The following MECOM variants were observed in gnomAD, a reference collection of about 807,000 sequenced individuals.
The protein encoded by MECOM is histone-lysine N-methyltransferase MECOM.
MECOM carries 13 observed loss-of-function variants against 116.3 expected under a neutral mutation model. The ratio of observed to expected loss-of-function variants is 0.11; its 90% CI spans 0.07 to 0.18. The LOEUF (loss-of-function observed/expected upper bound fraction) is 0.18. Ranked by LOEUF, MECOM falls within the 10% of genes least tolerant of loss-of-function variation. The pLI, the probability that MECOM is intolerant of heterozygous loss-of-function variation, is 1.00. For synonymous variants in MECOM, 528 were observed against 535.2 expected (o/e 0.99, Z 0.19); for missense variants, 1,299 against 1,509.0 (o/e 0.86, Z 2.31).
At chr3:169,146,170 A>G in intron 2 of MECOM, 1 of 1,058,256 alleles carries the variant, frequency 9.4e-7, no homozygotes, top group South Asian at 3.1e-5. Flanking sequence ...GGTAGACTTT[A>G]GAGAAAGGCC....
At chr3:169,381,885 A>G (rs1023317182) in intron 1 of MECOM, among the ~76,000 whole-genome samples, 8 of 152,184 alleles carry the variant, frequency 5.3e-5, no homozygotes, top group South Asian at 2.1e-4. Context: ...AACAATTCCA[A>G]ATTGGGAGCT....
chr3:169,268,027 C>T (rs184532668), intron 2 of MECOM, among the ~76,000 whole-genome samples: 3 of 152,110 alleles, frequency 2.0e-5, no homozygotes, highest in Non-Finnish European at 4.4e-5. Flanking sequence ...TTAGTTATTA[C>T]GTTATTCACA....
At chr3:169,599,511 C>CAA (rs535539075) in intron 1 of MECOM, among the ~76,000 whole-genome samples, 8 of 94,530 alleles carry the variant, frequency 8.5e-5, no homozygotes, top group South Asian at 3.9e-4. Flanking sequence ...GACTCTGTCT[C>CAA]AAAAAAAAAA....
At position 169,472,582 on chromosome 3, in the gene MECOM, G is replaced by C. The variant is rs1252164285; in HGVS notation, c.38-91058C>G. On this transcript the variant is annotated intron_variant, in intron 1 of 16. Transcript: ENST00000651503. ...AGAGAGGAGAGGAGAGGAGAGGAGA[G>C]GAAAGGAAAGGAAAGGAAAGGAAAG... 1.0e-4 allele frequency among the ~76,000 whole-genome samples: 5 copies of C among 48,052 alleles called. 2 individuals carry two copies. Among genetic ancestry groups the C allele is most frequent in the Non-Finnish European group, 1.8e-4 (5 of 28,338 alleles). 31.5% of individuals were successfully genotyped at this position (48,052 alleles called of 152,430 possible).
chr3:169,116,394 C>G lies in MECOM; in HGVS notation c.1478G>C (p.Gly493Ala), dbSNP rs1365466358. The G allele has an allele frequency of 1.2e-6, 2 of 1,613,944 alleles. No individual in the cohort carries two copies. The highest frequency in any genetic ancestry group is 1.7e-6 in the Non-Finnish European group (2 of 1,180,040). ...TAPGFSFSFP[G>A]LFPSGLYHRP... Reference sequence around the variant, plus strand: ...GTGGTACAAGCCGGAAGGAAACAGACCAGGGAAGCTAAAAGAAAATCCAGG... The same window carrying G: ...GTGGTACAAGCCGGAAGGAAACAGAGCAGGGAAGCTAAAAGAAAATCCAGG... The change falls in exon 8 of 17, where the codon GGT becomes GCT. Residue 493 changes from glycine (G) to alanine (A), a missense_variant. Coordinates refer to ENST00000651503, the MANE Select transcript of MECOM (RefSeq NM_004991.4).
chr3:169,452,958 C>A lies in MECOM; in HGVS notation c.38-71434G>T, dbSNP rs74324540. On this transcript the variant is annotated intron_variant, in intron 1 of 16. Coordinates refer to ENST00000651503, the MANE Select transcript of MECOM (RefSeq NM_004991.4). ...ACTTCTTGCATAGTTATACACAGAACTTTAACTGCTGGCTTTTTAAGGGAA... is the reference window on the plus strand; with the variant it reads ...ACTTCTTGCATAGTTATACACAGAAATTTAACTGCTGGCTTTTTAAGGGAA... Among the ~76,000 whole-genome samples the A allele has an allele frequency of 1.0e-2, 1,519 of 152,242 alleles. 22 individuals carry two copies. Among genetic ancestry groups the A allele is most frequent in the African/African-American group, 0.035 (1,463 of 41,546 alleles).
chr3:169,204,997 A>G (rs1306509930), intron 2 of MECOM, among the ~76,000 whole-genome samples: 1 of 152,182 alleles, frequency 6.6e-6, no homozygotes, highest in Non-Finnish European at 1.5e-5. Context: ...TGCTGATCTT[A>G]AAGCAGTTAT....
At chr3:169,440,979 G>A (rs1314986470) in intron 1 of MECOM, among the ~76,000 whole-genome samples, 1 of 152,180 alleles carries the variant, frequency 6.6e-6, no homozygotes, top group African/African-American at 2.4e-5. Flanking sequence ...CTGCAGAGCT[G>A]ACAATACCTT....
Position 169,390,703 on chromosome 3 carries a change from A to G in MECOM, c.38-9179T>C, listed in dbSNP as rs144293783. On this transcript the variant is annotated intron_variant, in intron 1 of 16. Coordinates refer to ENST00000651503, the MANE Select transcript of MECOM (RefSeq NM_004991.4). ...GCTCTGCATGTGAAATGAGAGCCCC[A>G]ACTTGTTTATTATAATTACCTAAGT... Among the ~76,000 whole-genome samples, 68 of 152,268 alleles carry G rather than the reference A, an allele frequency of 4.5e-4. 1 individual carries two copies. The East Asian group carries it at 0.011, about 24-fold the overall frequency.
chr3:169,328,091 G>A (rs763332833), intron 2 of MECOM, among the ~76,000 whole-genome samples: 4 of 152,134 alleles, frequency 2.6e-5, no homozygotes, highest in Non-Finnish European at 4.4e-5. Flanking sequence ...TCCTTTCAGT[G>A]TCTATGAGGA....
intron 1 of MECOM, among the ~76,000 whole-genome samples, chr3:169,569,288 A>G (rs971731961): frequency 2.6e-5 from 4 of 151,636 alleles, no homozygotes; most frequent in Non-Finnish European, 5.9e-5. Flanking sequence ...CAACAAGAAG[A>G]GCTAATATAT....
intron 12 of MECOM, among the ~76,000 whole-genome samples, chr3:169,097,457 A>G (rs1721981429): frequency 6.6e-6 from 1 of 152,138 alleles, no homozygotes; most frequent in African/African-American, 2.4e-5. Flanking sequence ...TATACTATTA[A>G]GCCTTCCTAG....
At chr3:169,357,962 T>A (rs1382640491) in intron 2 of MECOM, among the ~76,000 whole-genome samples, 1 of 151,746 alleles carries the variant, frequency 6.6e-6, no homozygotes, top group Non-Finnish European at 1.5e-5. Flanking sequence ...TAATTAATAA[T>A]GAACAAAAAT....
At chr3:169,506,822 A>G (rs1247276139) in intron 1 of MECOM, among the ~76,000 whole-genome samples, 4 of 152,214 alleles carry the variant, frequency 2.6e-5, no homozygotes, top group Non-Finnish European at 5.9e-5. Context: ...AAGTAGAGTT[A>G]CTTGGTCCCA....
chr3:169,529,698 C>T (rs996098793), intron 1 of MECOM, among the ~76,000 whole-genome samples: 4 of 152,266 alleles, frequency 2.6e-5, no homozygotes, highest in Admixed American at 2.0e-4. Flanking sequence ...TTTCTTTGTT[C>T]GTTTGTTTTA....
At chr3:169,357,469 C>T (rs927042506) in intron 2 of MECOM, among the ~76,000 whole-genome samples, 8 of 151,762 alleles carry the variant, frequency 5.3e-5, no homozygotes, top group Admixed American at 2.0e-4. Context: ...GAAATCAAGA[C>T]ATAAGGAAGA....
At chr3:169,660,558 C>G (rs1008448864) in intron 1 of MECOM, among the ~76,000 whole-genome samples, 5 of 152,078 alleles carry the variant, frequency 3.3e-5, no homozygotes, top group Admixed American at 6.6e-5. Flanking sequence ...AAAAGAACAA[C>G]AAGCTACCGA....
chr3:169,375,255 T>C (rs1403544596), intron 2 of MECOM, among the ~76,000 whole-genome samples: 5 of 151,718 alleles, frequency 3.3e-5, no homozygotes, highest in African/African-American at 9.7e-5. Context: ...AACATCACAA[T>C]TAAAAGAACT....
At chr3:169,627,489 T>C (rs1309210614) in intron 1 of MECOM, among the ~76,000 whole-genome samples, 3 of 152,254 alleles carry the variant, frequency 2.0e-5, no homozygotes, top group African/African-American at 7.2e-5. Flanking sequence ...GATTCTTACA[T>C]TGAATTACAT....
Sources: gnomAD v4.1 joint callset for allele counts (sites outside exome capture counted in the v4.1 genomes callset) on GRCh38, gnomAD v4.1.1 for gene constraint, MANE v1.5 for transcripts, NCBI Gene and HGNC (gene_info 2026-07-23, HGNC 2026-07-21) for gene names.